Variants in GLCCI1 observed in about 807,000 individuals in gnomAD.
The protein encoded by GLCCI1 is glucocorticoid-induced transcript 1 protein.
A neutral mutation model predicts 52.2 loss-of-function variants in GLCCI1; 24 were observed. That is an observed-to-expected ratio of 0.46 (90% CI 0.33 to 0.65). The LOEUF (loss-of-function observed/expected upper bound fraction) is 0.65. GLCCI1 is among the 30% of genes least tolerant of loss of function. The pLI is 0.02. For missense variants in GLCCI1, 704 were observed against 701.5 expected, an observed-to-expected ratio of 1.00 and a Z score of -0.04; for synonymous variants, 310 against 276.5, an observed-to-expected ratio of 1.12 and a Z score of -1.20.
intron 1 of GLCCI1, among the ~76,000 whole-genome samples, chr7:7,972,853 A>G (rs1234071461): frequency 6.6e-6 from 1 of 152,216 alleles, no homozygotes; most frequent in East Asian, 1.9e-4. Context: ...TTACCATAAT[A>G]GAAATACGTA....
At chr7:8,006,015 C>T (rs1486630281) in intron 2 of GLCCI1, among the ~76,000 whole-genome samples, 1 of 152,134 alleles carries the variant, frequency 6.6e-6, no homozygotes, top group Non-Finnish European at 1.5e-5. Context: ...TCAAGCTGGT[C>T]TCGAACTCCT....
At chr7:8,046,519 T>C (rs1423762309) in intron 3 of GLCCI1, among the ~76,000 whole-genome samples, 2 of 152,222 alleles carry the variant, frequency 1.3e-5, no homozygotes, top group African/African-American at 4.8e-5. Context: ...TGGAGGCTTC[T>C]TCTGCATGAT....
At chr7:7,972,119 T>C (rs1780366307) in intron 1 of GLCCI1, among the ~76,000 whole-genome samples, 2 of 152,228 alleles carry the variant, frequency 1.3e-5, no homozygotes, top group Non-Finnish European at 2.9e-5. Context: ...TGATTTAATT[T>C]TTCGAATGAT....
chr7:8,033,214 TA>T (rs34569855), intron 3 of GLCCI1, among the ~76,000 whole-genome samples: 14,789 of 148,070 alleles, frequency 0.1, 759 homozygotes, highest in Non-Finnish European at 0.12. Flanking sequence ...CATTCATGAT[TA>T]AAAAAAAAAA....
intron 1 of GLCCI1, among the ~76,000 whole-genome samples, chr7:7,985,565 A>C (rs1335299046): frequency 6.6e-6 from 1 of 152,134 alleles, no homozygotes; most frequent in Non-Finnish European, 1.5e-5. Flanking sequence ...TGAACACCCA[A>C]CTAGACATAT....
chr7:8,069,776 C>G (rs754363499), intron 5 of GLCCI1, among the ~76,000 whole-genome samples: 4 of 152,148 alleles, frequency 2.6e-5, no homozygotes, highest in Non-Finnish European at 5.9e-5. Context: ...TTGAATTTCA[C>G]CTGATTTTAC....
intron 4 of GLCCI1, among the ~76,000 whole-genome samples, chr7:8,056,679 A>C (rs13245917): frequency 0.024 from 3,641 of 152,280 alleles, 69 homozygotes; most frequent in East Asian, 0.09. Context: ...TTGCATCAGA[A>C]AACCAAAGTA....
chr7:8,027,144 C>G (rs1057091105), intron 3 of GLCCI1, among the ~76,000 whole-genome samples: 15 of 152,170 alleles, frequency 9.9e-5, no homozygotes, highest in Non-Finnish European at 1.5e-4. Context: ...ATGAACCAGG[C>G]ACCAGGGACT....
intron 3 of GLCCI1, among the ~76,000 whole-genome samples, chr7:8,040,804 A>T (rs1481808473): frequency 6.6e-6 from 1 of 152,238 alleles, no homozygotes; most frequent in Non-Finnish European, 1.5e-5. Context: ...TTATCGCAGC[A>T]TCATTCAAAC....
intron 1 of GLCCI1, among the ~76,000 whole-genome samples, chr7:7,987,324 G>A (rs1433516492): frequency 6.6e-6 from 1 of 152,094 alleles, no homozygotes; most frequent in Non-Finnish European, 1.5e-5. Flanking sequence ...ATGCTTCTCT[G>A]CAAAATATTC....
chr7:8,040,920 A>G (rs1159099795), intron 3 of GLCCI1, among the ~76,000 whole-genome samples: 1 of 152,142 alleles, frequency 6.6e-6, no homozygotes, highest in Non-Finnish European at 1.5e-5. Flanking sequence ...AGGCCAACTA[A>G]TACTCCTACA....
At chr7:8,081,717 A>G (rs1020494147) in intron 6 of GLCCI1, among the ~76,000 whole-genome samples, 1 of 152,192 alleles carries the variant, frequency 6.6e-6, no homozygotes, top group Non-Finnish European at 1.5e-5. Flanking sequence ...TCCAAACTCT[A>G]ATTTATTATC....
intron 3 of GLCCI1, among the ~76,000 whole-genome samples, chr7:8,051,458 T>C (rs1782256475): frequency 6.6e-6 from 1 of 152,236 alleles, no homozygotes; most frequent in African/African-American, 2.4e-5. Flanking sequence ...GGTAACTGAA[T>C]TAAGAATTTT....
intron 6 of GLCCI1, chr7:8,078,701 G>A (rs1005289481): frequency 1.3e-5 from 2 of 152,152 alleles, no homozygotes; most frequent in African/African-American, 4.8e-5. Flanking sequence ...GGAGGAAAGG[G>A]GCTGAAGAAG....
intron 2 of GLCCI1, among the ~76,000 whole-genome samples, chr7:8,015,039 CTATTTGTTTT>C (rs566569077): frequency 4.6e-5 from 7 of 152,264 alleles, no homozygotes; most frequent in African/African-American, 1.7e-4. Flanking sequence ...CCCTAGAAAT[CTATTTGTTTT>C]TATTTGTTTT....
chr7:8,034,633 T>C (rs1781825702), intron 3 of GLCCI1, among the ~76,000 whole-genome samples: 1 of 152,088 alleles, frequency 6.6e-6, no homozygotes, highest in Admixed American at 6.6e-5. Flanking sequence ...AGAACCATAG[T>C]TACAGGTGAA....
chr7:8,041,941 G>A (rs183507422), intron 3 of GLCCI1, among the ~76,000 whole-genome samples: 1 of 152,058 alleles, frequency 6.6e-6, no homozygotes, highest in East Asian at 1.9e-4. Context: ...AAAATCCTGG[G>A]GATCTTAAAA....
chr7:8,085,472 A>T (rs965701947), intron 7 of GLCCI1, among the ~76,000 whole-genome samples: 2 of 152,188 alleles, frequency 1.3e-5, no homozygotes, highest in Non-Finnish European at 2.9e-5. Context: ...TGAAATTTTA[A>T]TATGTGTAAG....
At chr7:7,988,870 A>AT (rs1479536372) in intron 1 of GLCCI1, among the ~76,000 whole-genome samples, 1 of 151,900 alleles carries the variant, frequency 6.6e-6, no homozygotes, top group Non-Finnish European at 1.5e-5. Context: ...GCAGTTCTGT[A>AT]TTTTTTTCTT....
Sources: allele counts gnomAD v4.1 joint callset (sites outside exome capture counted in the v4.1 genomes callset), GRCh38; gene constraint gnomAD v4.1.1; transcripts MANE v1.5; gene names NCBI Gene and HGNC (gene_info 2026-07-23, HGNC 2026-07-21).